Variants in AKAP8 observed in about 807,000 individuals in gnomAD.
AKAP8 encodes A-kinase anchoring protein 8, also known as A-kinase anchor protein 8.
A neutral mutation model predicts 67.5 loss-of-function variants in AKAP8; 24 were observed. The ratio of observed to expected loss-of-function variants is 0.36; its 90% confidence interval spans 0.26 to 0.50. The LOEUF (loss-of-function observed/expected upper bound fraction) is 0.50. Among genes scored for constraint, AKAP8 ranks in the 20% least tolerant of loss-of-function variants. The pLI, the probability that AKAP8 is intolerant of heterozygous loss-of-function variation, is 0.97. For synonymous variants in AKAP8, 400 were observed against 371.1 expected (o/e 1.08, Z -0.90); for missense variants, 971 against 955.9 (o/e 1.02, Z -0.21).
chr19:15,356,997 C>T (rs548886966), intron 13 of AKAP8, among the ~76,000 whole-genome samples: 3 of 152,130 alleles, frequency 2.0e-5, no homozygotes, highest in African/African-American at 4.8e-5. Context: ...CTTGGTCTGT[C>T]GCCAAGGCTG....
intron 9 of AKAP8, among the ~76,000 whole-genome samples, chr19:15,368,026 T>C (rs1967096239): frequency 6.6e-6 from 1 of 152,226 alleles, no homozygotes. Context: ...GTCCCAGCCA[T>C]CCTAGAAGAC....
rs955809483 is a variant in AKAP8 at position 15,372,774 on chromosome 19, G to C, written c.861+77C>G. ...TTAAAAACATTTAAGTGAATGTTGA[G>C]ATGGGGAAATTTTACCTCAATAAAG... On this transcript the variant is annotated intron_variant, in intron 5 of 13. Transcript: ENST00000269701. 31 of 1,445,056 alleles carry C rather than the reference G, an allele frequency of 2.1e-5. No individual in the cohort carries two copies. The African/African-American group carries it at 3.7e-4, about 17-fold the overall frequency. 89.5% of individuals were successfully genotyped at this position (1,445,056 alleles called of 1,614,324 possible).
Position 15,362,254 on chromosome 19 carries a change from G to A in AKAP8, c.1161-3C>T, listed in dbSNP as rs1192827983. 1.2e-6 allele frequency: 2 copies of A among 1,614,020 alleles called. No homozygotes were observed. The highest frequency in any genetic ancestry group is 1.7e-6 in the Non-Finnish European group (2 of 1,179,968). The stretch of plus-strand genomic sequence containing the variant: ...ATACAGAACAGGCAAACTGAATTCT[G>A]TAGAAGGAAAACAAGGAGGGGAGTG... On this transcript the variant is annotated splice_region_variant and splice_polypyrimidine_tract_variant and intron_variant, in intron 9 of 13. Coordinates refer to ENST00000269701, the MANE Select transcript of AKAP8 (RefSeq NM_005858.4).
At chr19:15,379,664 C>A in intron 1 of AKAP8, 49 bp downstream of exon 1, 1 of 1,585,502 alleles carries the variant, frequency 6.3e-7, no homozygotes, top group Non-Finnish European at 8.6e-7. Flanking sequence ...GCTGCGTCGC[C>A]CGCACAGAGC....
chr19:15,362,858 A>C, intron 9 of AKAP8, among the ~76,000 whole-genome samples: 1 of 130,960 alleles, frequency 7.6e-6, no homozygotes, highest in Non-Finnish European at 1.6e-5. Flanking sequence ...CTGGCTGCCC[A>C]GTCTGGAAAG....
intron 9 of AKAP8, among the ~76,000 whole-genome samples, chr19:15,363,325 C>A (rs1217560694): frequency 2.3e-5 from 3 of 132,828 alleles, no homozygotes; most frequent in Non-Finnish European, 1.6e-5. Flanking sequence ...ACCCTCTGCC[C>A]GGCCAGCCGC....
intron 2 of AKAP8, among the ~76,000 whole-genome samples, chr19:15,375,373 A>G (rs544171496): frequency 2.4e-4 from 36 of 152,278 alleles, no homozygotes; most frequent in Middle Eastern, 3.4e-3. Flanking sequence ...GTGCCCATAA[A>G]TAAGTACCAG....
At chr19:15,366,829 G>A (rs1318197466) in intron 9 of AKAP8, among the ~76,000 whole-genome samples, 1 of 152,090 alleles carries the variant, frequency 6.6e-6, no homozygotes, top group Non-Finnish European at 1.5e-5. Context: ...GGCTGGTCTC[G>A]AACTCCCAAC....
rs748934580 is a variant in AKAP8 at position 15,379,770 on chromosome 19, C to G, written c.-39G>C. The G allele has an allele frequency of 1.1e-5, 17 of 1,609,552 alleles. No individual in the cohort carries two copies. The highest frequency in any genetic ancestry group is 1.4e-5 in the Non-Finnish European group (17 of 1,178,434). ...CCCACCAGCAGCCCCGTTTACTAGG[C>G]GACCACAGCACGCATGCGTTCAGCG... On this transcript the variant is annotated 5_prime_UTR_variant, in exon 1 of 14. Coordinates refer to ENST00000269701, the MANE Select transcript of AKAP8 (RefSeq NM_005858.4).
chr19:15,368,393 G>A (rs1967103148), intron 8 of AKAP8, 71 bp from the exon 9 acceptor site: 1 of 1,605,568 alleles, frequency 6.2e-7, no homozygotes, highest in East Asian at 2.2e-5. Flanking sequence ...GGCCTGGTCG[G>A]GGGGCTGCAG....
intron 9 of AKAP8, among the ~76,000 whole-genome samples, chr19:15,364,544 T>C (rs1313055305): frequency 6.6e-6 from 1 of 152,164 alleles, no homozygotes; most frequent in Non-Finnish European, 1.5e-5. Context: ...AGAGACGTGG[T>C]TTCACCATGG....
intron 8 of AKAP8, 81 bp downstream of exon 8, chr19:15,370,065 T>C (rs1002386569): frequency 1.3e-6 from 2 of 1,568,378 alleles, no homozygotes; most frequent in African/African-American, 2.7e-5. Context: ...TCCAGGCCCC[T>C]GGCTTGCTCA....
chr19:15,375,706 G>C (rs1029896647), intron 2 of AKAP8, among the ~76,000 whole-genome samples: 5 of 148,612 alleles, frequency 3.4e-5, no homozygotes, highest in African/African-American at 1.2e-4. Context: ...GCGCGATCTC[G>C]GCTCACTGCA....
intron 9 of AKAP8, among the ~76,000 whole-genome samples, chr19:15,363,973 G>A (rs909689089): frequency 3.3e-5 from 5 of 151,532 alleles, no homozygotes; most frequent in East Asian, 1.9e-4. Context: ...GCCAAGAGTC[G>A]TCACCACTCC....
chr19:15,363,171 C>A (rs989114187), intron 9 of AKAP8, among the ~76,000 whole-genome samples: 1 of 151,144 alleles, frequency 6.6e-6, no homozygotes, highest in African/African-American at 2.4e-5. Context: ...GCAGCCACCC[C>A]GTCTGGGAAG....
chr19:15,377,143 C>T lies in AKAP8; in HGVS notation c.20-129G>A, dbSNP rs1967267332. 4 of 1,036,402 alleles carry T rather than the reference C, an allele frequency of 3.9e-6. No individual in the cohort carries two copies. The South Asian group carries it at 5.0e-5, about 13-fold the overall frequency. 64.2% of individuals were successfully genotyped at this position (1,036,402 alleles called of 1,614,324 possible). On this transcript the variant is annotated intron_variant, in intron 1 of 13. Coordinates refer to ENST00000269701, the MANE Select transcript of AKAP8 (RefSeq NM_005858.4). ...TAGAAGAAGGAAGACTCCCCCCCACCCCACCAAAAAAAAGCCATCACACAA... is the reference window on the plus strand; with the variant it reads ...TAGAAGAAGGAAGACTCCCCCCCACTCCACCAAAAAAAAGCCATCACACAA...
intron 9 of AKAP8, among the ~76,000 whole-genome samples, chr19:15,362,912 G>A (rs1966996489): frequency 6.6e-6 from 1 of 150,778 alleles, no homozygotes; most frequent in Non-Finnish European, 1.5e-5. Context: ...TAGGAAGTGA[G>A]GAGCGCCTCT....
Position 15,354,946 on chromosome 19 carries a change from G to C in AKAP8, c.2048C>G (p.Ala683Gly), listed in dbSNP as rs768511127. The change falls in exon 14 of 14, where the codon GCA (alanine) becomes GGA (glycine). Residue 683 changes from alanine (A) to glycine (G), a missense_variant. Coordinates refer to ENST00000269701, the MANE Select transcript of AKAP8 (RefSeq NM_005858.4). Reference sequence around the variant, plus strand: ...TGTGGGAACAGCGTCTTTAGACTCTGCATCAGTTTGTTCCACTTCAGCATC... The same window carrying C: ...TGTGGGAACAGCGTCTTTAGACTCTCCATCAGTTTGTTCCACTTCAGCATC... ...AADAEVEQTDAESKDAVPTE is the reference protein window; with the variant it reads ...AADAEVEQTDGESKDAVPTE 4.6e-5 allele frequency: 74 copies of C among 1,614,030 alleles called. No individual in the cohort carries two copies. Among genetic ancestry groups the C allele is most frequent in the Non-Finnish European group, 6.3e-5 (74 of 1,180,058 alleles).
At chr19:15,363,278 C>T (rs1419884247) in intron 9 of AKAP8, among the ~76,000 whole-genome samples, 6 of 145,548 alleles carry the variant, frequency 4.1e-5, no homozygotes, top group African/African-American at 7.7e-5. Flanking sequence ...AGGTGAGGGG[C>T]GCCTCTGCCC....
Sources: allele counts gnomAD v4.1 joint callset (sites outside exome capture counted in the v4.1 genomes callset), GRCh38; gene constraint gnomAD v4.1.1; transcripts MANE v1.5; gene names NCBI Gene and HGNC (gene_info 2026-07-23, HGNC 2026-07-21).